Variants in SMURF2 observed in about 807,000 individuals in gnomAD.
SMURF2 encodes the protein E3 ubiquitin-protein ligase SMURF2.
SMURF2 carries 48 observed loss-of-function variants against 109.6 expected under a neutral mutation model. The ratio of observed to expected loss-of-function variants is 0.44; its 90% CI spans 0.35 to 0.56. The LOEUF (loss-of-function observed/expected upper bound fraction) is 0.56. Ranked by LOEUF, SMURF2 falls within the 20% of genes least tolerant of loss-of-function variation. The probability of loss-of-function intolerance (pLI) is 0.01; values close to 1 mark genes in which losing one functional copy is unlikely to be tolerated. For missense variants in SMURF2, 575 were observed against 909.0 expected (o/e 0.63, Z 4.72); for synonymous variants, 288 against 317.1 (o/e 0.91, Z 0.97).
rs1270817164 is a variant in SMURF2, at chr17:64,601,909, ATATAAT to A, written c.92-3425_92-3420del. Among the ~76,000 whole-genome samples, 35 of 145,802 alleles carry A rather than the reference ATATAAT, an allele frequency of 2.4e-4. 1 individual carries two copies. The South Asian group carries it at 4.6e-3, about 19-fold the overall frequency. Reference sequence around the variant, plus strand: ...TATAATTATATATGTATATATTTATATATAATTATATGTGTGTGTATATATATATAT... The same window carrying A: ...TATAATTATATATGTATATATTTATATATATGTGTGTGTATATATATATAT... On this transcript the variant is annotated intron_variant, in intron 2 of 18. Coordinates refer to ENST00000262435, the MANE Select transcript of SMURF2 (RefSeq NM_022739.4).
chr17:64,639,635 A>C (rs1271250262), intron 1 of SMURF2, among the ~76,000 whole-genome samples: 3 of 152,334 alleles, frequency 2.0e-5, no homozygotes, highest in South Asian at 2.1e-4. Flanking sequence ...ACTGGATATC[A>C]TAAGATGTGG....
intron 1 of SMURF2, among the ~76,000 whole-genome samples, chr17:64,623,887 G>A (rs1256401489): frequency 6.6e-6 from 1 of 152,166 alleles, no homozygotes; most frequent in Non-Finnish European, 1.5e-5. Context: ...AAATCTATAC[G>A]TAGACAGGAA....
intron 10 of SMURF2, among the ~76,000 whole-genome samples, chr17:64,565,661 C>A (rs1185138339): frequency 3.3e-5 from 5 of 151,790 alleles, no homozygotes; most frequent in African/African-American, 1.2e-4. Context: ...AATCCCAGCT[C>A]TAGCACCTTT....
chr17:64,552,281 TA>T (rs1305465047), intron 15 of SMURF2, among the ~76,000 whole-genome samples: 10 of 152,284 alleles, frequency 6.6e-5, no homozygotes, highest in East Asian at 5.8e-4. Flanking sequence ...ATTTTACCAA[TA>T]AAAAAATGCA....
intron 2 of SMURF2, among the ~76,000 whole-genome samples, chr17:64,603,083 C>A (rs1969920143): frequency 6.6e-6 from 1 of 151,554 alleles, no homozygotes; most frequent in African/African-American, 2.4e-5. Context: ...GTGCTACCTT[C>A]CAAAGAAAAC....
intron 10 of SMURF2, among the ~76,000 whole-genome samples, chr17:64,565,722 CTGA>C (rs1241792612): frequency 6.6e-6 from 1 of 151,946 alleles, no homozygotes; most frequent in Non-Finnish European, 1.5e-5. Flanking sequence ...ATTTTTCTCA[CTGA>C]TGAGAAAGAG....
intron 9 of SMURF2, among the ~76,000 whole-genome samples, chr17:64,572,352 T>G (rs1243674199): frequency 2.0e-5 from 3 of 152,236 alleles, no homozygotes; most frequent in African/African-American, 7.2e-5. Flanking sequence ...ATTTCTTTAC[T>G]ATACCATAAA....
chr17:64,554,996 G>A lies in SMURF2; in HGVS notation c.1611-3C>T, dbSNP rs782802096. ...AAACACCTGTAATATCATTCTCACTGGATAGGAAAGAGGAAAAGATATGTA... is the reference window on the plus strand; with the variant it reads ...AAACACCTGTAATATCATTCTCACTAGATAGGAAAGAGGAAAAGATATGTA... On this transcript the variant is annotated splice_polypyrimidine_tract_variant and splice_region_variant and intron_variant, in intron 14 of 18. Coordinates refer to ENST00000262435, the MANE Select transcript of SMURF2 (RefSeq NM_022739.4). 2 of 1,610,584 alleles carry A rather than the reference G, an allele frequency of 1.2e-6. No homozygotes were observed. The highest frequency in any genetic ancestry group is 3.4e-5 in the Admixed American group (2 of 59,464).
At chr17:64,619,218 C>A (rs923262892) in intron 1 of SMURF2, among the ~76,000 whole-genome samples, 8 of 151,984 alleles carry the variant, frequency 5.3e-5, no homozygotes, top group Admixed American at 4.6e-4. Context: ...GTGGCTCATG[C>A]CTGTAATACT....
chr17:64,597,668 G>A (rs572903485), intron 3 of SMURF2, among the ~76,000 whole-genome samples: 41 of 151,742 alleles, frequency 2.7e-4, no homozygotes, highest in Non-Finnish European at 5.2e-4. Context: ...AGCTACTCGG[G>A]AGGCTGAGAC....
chr17:64,624,423 T>A (rs1598301631), intron 1 of SMURF2, among the ~76,000 whole-genome samples: 1 of 139,994 alleles, frequency 7.1e-6, no homozygotes, highest in African/African-American at 2.8e-5. Context: ...AGCCTCCGCC[T>A]CCCAGGTTCC....
At chr17:64,550,483 C>T (rs923932709) in intron 16 of SMURF2, among the ~76,000 whole-genome samples, 1 of 152,082 alleles carries the variant, frequency 6.6e-6, no homozygotes, top group East Asian at 1.9e-4. Flanking sequence ...GGCCGTTAAT[C>T]TAAAGACATT....
chr17:64,574,450 T>C (rs782007738), intron 9 of SMURF2, among the ~76,000 whole-genome samples: 2 of 152,232 alleles, frequency 1.3e-5, no homozygotes, highest in Non-Finnish European at 2.9e-5. Context: ...AAATGAGATT[T>C]CTTGGATAAA....
intron 1 of SMURF2, among the ~76,000 whole-genome samples, chr17:64,609,798 C>A (rs1555689350): frequency 1.3e-5 from 2 of 151,794 alleles, no homozygotes; most frequent in Non-Finnish European, 2.9e-5. Flanking sequence ...AGCTTCTGCA[C>A]ACAAAAGAAA....
chr17:64,596,585 C>CAAAAAAAAA (rs201858792), intron 3 of SMURF2, among the ~76,000 whole-genome samples: 8 of 45,468 alleles, frequency 1.8e-4, no homozygotes, highest in African/African-American at 2.5e-4. Flanking sequence ...GGAGAGTAAA[C>CAAAAAAAAA]AAAAAAAAAA....
intron 1 of SMURF2, among the ~76,000 whole-genome samples, chr17:64,637,428 C>G (rs960799662): frequency 6.6e-6 from 1 of 151,752 alleles, no homozygotes; most frequent in African/African-American, 2.4e-5. Context: ...ACCCAGCCAT[C>G]CATCTAAGAG....
At chr17:64,638,470 G>T (rs1970451891) in intron 1 of SMURF2, among the ~76,000 whole-genome samples, 1 of 152,194 alleles carries the variant, frequency 6.6e-6, no homozygotes. Flanking sequence ...CAAAGTGCTG[G>T]GATTACAGGC....
chr17:64,608,013 AT>A (rs1598293754), intron 1 of SMURF2, among the ~76,000 whole-genome samples: 2 of 148,572 alleles, frequency 1.3e-5, no homozygotes, highest in East Asian at 3.9e-4. Flanking sequence ...AAATAAATAA[AT>A]AAATAAATAA....
chr17:64,547,685 A>G lies in SMURF2; in HGVS notation c.1986T>C (p.Phe662=), dbSNP rs782349616. ...ATCTTGCTCGTCGCTCTTCATCAAA[A>G]AACTCCACAGCTTTCCAGAACCATT... is the stretch of plus-strand genomic sequence containing the variant. ...IVKWFWKAVE[F]FDEERRARLL... Residue 662 remains phenylalanine, a synonymous_variant, in exon 17 of 19, where the codon TTT becomes TTC. Transcript: ENST00000262435. The surrounding 1 kb of genome is among the most constrained non-coding windows in gnomAD (Gnocchi z 4.2). 4 of 1,614,162 alleles carry G rather than the reference A, an allele frequency of 2.5e-6. No homozygotes were observed. The Admixed American group carries it at 6.7e-5, about 27-fold the overall frequency.
Sources: allele counts gnomAD v4.1 joint callset (sites outside exome capture counted in the v4.1 genomes callset), GRCh38; gene constraint gnomAD v4.1.1; non-coding constraint Gnocchi (gnomAD v3.1); transcripts MANE v1.5; gene names NCBI Gene and HGNC (gene_info 2026-07-23, HGNC 2026-07-21).